The following NTM variants were observed in gnomAD, a reference collection of about 807,000 sequenced individuals.
The protein encoded by NTM is neurotrimin.
NTM carries 13 observed loss-of-function variants against 42.1 expected under a neutral mutation model. The ratio of observed to expected loss-of-function variants is 0.31; its 90% CI spans 0.20 to 0.49. The LOEUF is 0.49. NTM is among the 20% of genes least tolerant of loss of function. NTM has a pLI of 0.99. For missense variants in NTM, 373 were observed against 452.8 expected, an observed-to-expected ratio of 0.82 and a Z score of 1.60; for synonymous variants, 187 against 179.2, an observed-to-expected ratio of 1.04 and a Z score of -0.35.
At chr11:131,485,270 G>A (rs1954043579) in intron 1 of NTM, among the ~76,000 whole-genome samples, 1 of 151,108 alleles carries the variant, frequency 6.6e-6, no homozygotes, top group Non-Finnish European at 1.5e-5. Context: ...TGGGAGGAAG[G>A]ATGAAGGATG....
rs538088965 is a variant in NTM at position 131,811,942 on chromosome 11, C to T, written c.83-99622C>T. 1.5e-4 allele frequency among the ~76,000 whole-genome samples: 23 copies of T among 152,248 alleles called. No individual in the cohort carries two copies. The South Asian group carries it at 3.5e-3, about 23-fold the overall frequency. On this transcript the variant is annotated intron_variant, in intron 1 of 8. Coordinates refer to ENST00000683400, the MANE Select transcript of NTM (RefSeq NM_001352005.2). ...AAGGTTTTCTAAAAAGTCACCATAC[C>T]GTTCCTGGATCAAGTATTTACAGTA...
chr11:131,851,395 T>A (rs546485088), intron 1 of NTM, among the ~76,000 whole-genome samples: 1 of 152,256 alleles, frequency 6.6e-6, no homozygotes, highest in East Asian at 1.9e-4. Context: ...CTCCCGCTAA[T>A]AGAAAAAAAT....
At chr11:132,299,914 A>G (rs969477216) in intron 4 of NTM, among the ~76,000 whole-genome samples, 52 of 151,808 alleles carry the variant, frequency 3.4e-4, no homozygotes, top group African/African-American at 1.2e-3. Flanking sequence ...CGTATATTAC[A>G]TATATATATA....
chr11:132,280,836 G>A (rs903005862), intron 4 of NTM, among the ~76,000 whole-genome samples: 1 of 68,128 alleles, frequency 1.5e-5, no homozygotes, highest in Non-Finnish European at 3.3e-5. Flanking sequence ...ATTTGTTTGT[G>A]GTTCTGTAAA....
chr11:131,801,505 C>G (rs976541585), intron 1 of NTM, among the ~76,000 whole-genome samples: 2 of 152,204 alleles, frequency 1.3e-5, no homozygotes, highest in Non-Finnish European at 2.9e-5. Flanking sequence ...GAGCCTGTGG[C>G]AGTTTCGCCA....
chr11:131,874,514 A>G (rs1389840666), intron 1 of NTM, among the ~76,000 whole-genome samples: 2 of 152,194 alleles, frequency 1.3e-5, no homozygotes, highest in East Asian at 1.9e-4. Context: ...ATTTCAATTG[A>G]CTAAGTTTCT....
At chr11:131,874,050 T>C (rs1475383935) in intron 1 of NTM, among the ~76,000 whole-genome samples, 1 of 102,828 alleles carries the variant, frequency 9.7e-6, no homozygotes, top group Non-Finnish European at 2.1e-5. Context: ...TATATATATA[T>C]ATATATATAT....
intron 4 of NTM, among the ~76,000 whole-genome samples, chr11:132,296,686 T>C (rs1008381299): frequency 1.3e-5 from 2 of 152,136 alleles, no homozygotes; most frequent in African/African-American, 2.4e-5. Context: ...ATATTTAGAT[T>C]TTATGTGAAG....
At chr11:131,817,199 T>C (rs1005961147) in intron 1 of NTM, among the ~76,000 whole-genome samples, 1 of 152,242 alleles carries the variant, frequency 6.6e-6, no homozygotes, top group Admixed American at 6.5e-5. Context: ...CAGGCTGTTC[T>C]GAGTACCTGT....
intron 2 of NTM, among the ~76,000 whole-genome samples, chr11:132,031,457 T>C (rs2075907452): frequency 6.6e-6 from 1 of 152,148 alleles, no homozygotes; most frequent in Non-Finnish European, 1.5e-5. Flanking sequence ...GTGGGGATGG[T>C]ATGAAATAGT....
rs185419609 is a variant in NTM at position 131,723,356 on chromosome 11, C to A, written c.83-188208C>A. On this transcript the variant is annotated intron_variant, in intron 1 of 8. Transcript: ENST00000683400. ...GGATCAGTTACTACAGATCCTCTTC[C>A]GCTCAAGCGATGTAGATTACGCAGC... Among the ~76,000 whole-genome samples the A allele has an allele frequency of 2.6e-5, 4 of 152,322 alleles. 1 individual carries two copies. Among genetic ancestry groups the A allele is most frequent in the Admixed American group, 1.3e-4 (2 of 15,306 alleles).
intron 1 of NTM, among the ~76,000 whole-genome samples, chr11:131,823,565 T>A (rs1479742446): frequency 6.6e-6 from 1 of 152,172 alleles, no homozygotes. Context: ...TACAAATAAT[T>A]CTTCTTCCTT....
intron 1 of NTM, among the ~76,000 whole-genome samples, chr11:131,375,344 G>T (rs1941818917): frequency 1.3e-5 from 2 of 152,106 alleles, no homozygotes; most frequent in Admixed American, 1.3e-4. Context: ...CTGCTCTATT[G>T]TCTTGTTACA....
intron 7 of NTM, among the ~76,000 whole-genome samples, chr11:132,322,407 C>A (rs1323963939): frequency 1.4e-5 from 2 of 144,350 alleles, no homozygotes; most frequent in South Asian, 2.3e-4. Context: ...GACTTTAAAC[C>A]AACAAAGATC....
chr11:131,612,331 T>C (rs898235048), intron 1 of NTM, among the ~76,000 whole-genome samples: 1 of 152,226 alleles, frequency 6.6e-6, no homozygotes, highest in South Asian at 2.1e-4. Flanking sequence ...TAGCAAAGTG[T>C]CATGGTAGCT....
intron 1 of NTM, among the ~76,000 whole-genome samples, chr11:131,870,623 C>T (rs1432107428): frequency 6.6e-6 from 1 of 152,104 alleles, no homozygotes; most frequent in Non-Finnish European, 1.5e-5. Flanking sequence ...TTCTGAGGTT[C>T]AAGGAATTCT....
At chr11:131,752,681 C>A (rs571491834) in intron 1 of NTM, among the ~76,000 whole-genome samples, 1 of 152,216 alleles carries the variant, frequency 6.6e-6, no homozygotes, top group South Asian at 2.1e-4. Flanking sequence ...AAATGTGGCA[C>A]ATACATATGT....
intron 4 of NTM, among the ~76,000 whole-genome samples, chr11:132,244,435 G>C (rs2090734596): frequency 6.6e-6 from 1 of 152,224 alleles, no homozygotes; most frequent in Non-Finnish European, 1.5e-5. Flanking sequence ...TAACGCAACA[G>C]ACTGATTCAT....
At chr11:131,931,371 C>T (rs1025509734) in intron 2 of NTM, among the ~76,000 whole-genome samples, 2 of 151,352 alleles carry the variant, frequency 1.3e-5, no homozygotes, top group Non-Finnish European at 2.9e-5. Flanking sequence ...CCCAGGAGGT[C>T]GAGGCTACAG....
Sources: allele counts gnomAD v4.1 joint callset (sites outside exome capture counted in the v4.1 genomes callset), GRCh38; gene constraint gnomAD v4.1.1; transcripts MANE v1.5; gene names NCBI Gene and HGNC (gene_info 2026-07-23, HGNC 2026-07-21).